The following TRDMT1 variants were observed in gnomAD, a reference collection of about 807,000 sequenced individuals.
The protein encoded by TRDMT1 is tRNA aspartic acid methyltransferase 1.
A neutral mutation model predicts 51.2 loss-of-function variants in TRDMT1; 49 were observed. That is an observed-to-expected ratio of 0.96 (90% CI 0.76 to 1.21). The LOEUF (loss-of-function observed/expected upper bound fraction) is 1.21. Ranked by LOEUF, TRDMT1 falls within the 50% of genes most tolerant of loss-of-function variation. The pLI, the probability that TRDMT1 is intolerant of heterozygous loss-of-function variation, is 0.00. For synonymous variants in TRDMT1, 187 were observed against 164.6 expected, an observed-to-expected ratio of 1.14 and a Z score of -1.04; for missense variants, 534 against 462.3, an observed-to-expected ratio of 1.16 and a Z score of -1.42.
chr10:17,153,454 AT>A, intron 10 of TRDMT1, 52 bp downstream of exon 10: 1 of 1,602,220 alleles, frequency 6.2e-7, no homozygotes, highest in Non-Finnish European at 8.5e-7. Flanking sequence ...GTCCCTAAAG[AT>A]TTTTGAGAGT....
rs1837549866 is a variant in TRDMT1, at chr10:17,140,037, C to CTTTTTTTCTTT, written c.*9002_*9003insAAAGAAAAAAA. 1.4e-4 allele frequency among the ~76,000 whole-genome samples: 3 copies of CTTTTTTTCTTT among 21,914 alleles called. No individual in the cohort carries two copies. The highest frequency in any genetic ancestry group is 5.6e-4 in the African/African-American group (3 of 5,348). The allele number at this position is 21,914 out of a possible 152,430, so 14.4% of individuals were successfully genotyped here. On this transcript the variant is annotated 3_prime_UTR_variant, in exon 11 of 11. Transcript: ENST00000377799. ...TATTCTTCCAGTAACATCTAGTGTG[C>CTTTTTTTCTTT]TTTTTTTTTTTTTTTTTTTTTTTTT...
intron 1 of TRDMT1, among the ~76,000 whole-genome samples, chr10:17,180,343 C>A (rs1024584841): frequency 9.9e-5 from 15 of 151,986 alleles, no homozygotes; most frequent in Non-Finnish European, 2.2e-4. Flanking sequence ...GAGTTTGAGA[C>A]CAGCCTGGCC....
At chr10:17,165,968 C>A (rs1841147841) in intron 3 of TRDMT1, among the ~76,000 whole-genome samples, 1 of 152,140 alleles carries the variant, frequency 6.6e-6, no homozygotes, top group Non-Finnish European at 1.5e-5. Context: ...TGTGGGGATT[C>A]CTCAGGGATC....
chr10:17,184,156 T>C (rs1420739404), intron 1 of TRDMT1, among the ~76,000 whole-genome samples: 1 of 152,142 alleles, frequency 6.6e-6, no homozygotes, highest in Admixed American at 6.5e-5. Flanking sequence ...TAGAAACACA[T>C]GTGATGCAGT....
intron 3 of TRDMT1, among the ~76,000 whole-genome samples, chr10:17,165,959 G>A (rs914561852): frequency 5.4e-5 from 8 of 148,394 alleles, no homozygotes; most frequent in African/African-American, 2.0e-4. Flanking sequence ...GGAAGTCAGT[G>A]TGGGGATTCC....
chr10:17,170,748 G>T (rs952285148), intron 2 of TRDMT1, among the ~76,000 whole-genome samples: 2 of 152,064 alleles, frequency 1.3e-5, no homozygotes, highest in African/African-American at 4.8e-5. Context: ...GAGTTATATA[G>T]ATTTCTTGTT....
intron 2 of TRDMT1, among the ~76,000 whole-genome samples, chr10:17,172,487 G>C (rs369269837): frequency 3.4e-4 from 52 of 151,808 alleles, no homozygotes; most frequent in African/African-American, 1.2e-3. Flanking sequence ...GTGAGACCCT[G>C]CCTCTCCAAA....
At position 17,140,711 on chromosome 10, in the gene TRDMT1, C is replaced by A. The variant is rs764594934; in HGVS notation, c.*8329G>T. Reference sequence around the variant, plus strand: ...TTTAAATGATAAAACTAATATTATGCCACATTGATGAAAACAAAAACAACA... The same window carrying A: ...TTTAAATGATAAAACTAATATTATGACACATTGATGAAAACAAAAACAACA... On this transcript the variant is annotated 3_prime_UTR_variant, in exon 11 of 11. Transcript: ENST00000377799. Among the ~76,000 whole-genome samples, 3 of 128,946 alleles carry A rather than the reference C, an allele frequency of 2.3e-5. No individual in the cohort carries two copies. Among genetic ancestry groups the A allele is most frequent in the Non-Finnish European group, 3.3e-5 (2 of 60,850 alleles). 84.6% of individuals were successfully genotyped at this position (128,946 alleles called of 152,430 possible). A position where few individuals can be genotyped will look rare whatever the true frequency, so the allele number is the denominator to read the frequency against.
intron 5 of TRDMT1, among the ~76,000 whole-genome samples, chr10:17,161,061 G>A (rs534815816): frequency 6.6e-6 from 1 of 152,252 alleles, no homozygotes; most frequent in East Asian, 1.9e-4. Context: ...TCGGGTGGAT[G>A]CTTTCTCTCC....
chr10:17,153,770 T>C, intron 9 of TRDMT1, 134 bp from the exon 10 acceptor site: 1 of 847,068 alleles, frequency 1.2e-6, no homozygotes, highest in South Asian at 2.0e-5. Context: ...CAGGGCAAAA[T>C]GGCTCTGTGC....
chr10:17,146,444 G>GGGCT lies in TRDMT1; in HGVS notation c.*2595_*2596insAGCC. ...GTCAGGCTCTGACCCCTCCTACAATGACTACCCACCTCTTCGAAATCATTT... is the reference window on the plus strand; with the variant it reads ...GTCAGGCTCTGACCCCTCCTACAATGGGCTACTACCCACCTCTTCGAAATCATTT... On this transcript the variant is annotated 3_prime_UTR_variant, in exon 11 of 11. Transcript: ENST00000377799. 1.0e-6 allele frequency: 1 copy of GGGCT among 985,344 alleles called. No individual in the cohort carries two copies. The highest frequency in any genetic ancestry group is 1.2e-6 in the Non-Finnish European group (1 of 829,922). 61.0% of individuals were successfully genotyped at this position (985,344 alleles called of 1,614,324 possible). A position where few individuals can be genotyped will look rare whatever the true frequency, so the allele number is the denominator to read the frequency against.
At chr10:17,150,317 T>C (rs557005881) in intron 10 of TRDMT1, 7 of 910,608 alleles carry the variant, frequency 7.7e-6, no homozygotes, top group South Asian at 5.0e-5. Context: ...CATTTTAAAA[T>C]TGGATTTCTC....
chr10:17,151,455 C>T, intron 10 of TRDMT1: 1 of 969,090 alleles, frequency 1.0e-6, no homozygotes, highest in South Asian at 4.8e-5. Flanking sequence ...TCCATCATTG[C>T]CAGTAGACAA....
intron 1 of TRDMT1, among the ~76,000 whole-genome samples, chr10:17,196,452 A>G (rs1038975516): frequency 3.9e-5 from 6 of 152,226 alleles, no homozygotes; most frequent in Admixed American, 3.9e-4. Context: ...TTATTTGCAT[A>G]TATTTGCAGG....
At position 17,150,059 on chromosome 10, in the gene TRDMT1, T is replaced by C. The variant is rs115601943; in HGVS notation, c.1076-919A>G. ...TTTAATGTTTGAGGAACCATTAGAC[T>C]GTTTTTCAAAGCAGCTGCACCATTT... On this transcript the variant is annotated intron_variant, in intron 10 of 10. Coordinates refer to ENST00000377799, the MANE Select transcript of TRDMT1 (RefSeq NM_004412.7). Among the ~76,000 whole-genome samples, 1,242 of 152,290 alleles carry C rather than the reference T, an allele frequency of 8.2e-3. 25 individuals are homozygous for C. Among genetic ancestry groups the C allele is most frequent in the African/African-American group, 0.028 (1,174 of 41,564 alleles).
At position 17,139,934 on chromosome 10, in the gene TRDMT1, T is replaced by C. The variant is rs1283258943; in HGVS notation, c.*9106A>G. ...TTACGGAAGTACTGCTAAATCAAGC[T>C]TTGTCAACAATTCCTAGACTATGTT... On this transcript the variant is annotated 3_prime_UTR_variant, in exon 11 of 11. Transcript: ENST00000377799. Among the ~76,000 whole-genome samples, 1 of 151,780 alleles carries C rather than the reference T, an allele frequency of 6.6e-6. No individual in the cohort carries two copies. The highest frequency in any genetic ancestry group is 2.4e-5 in the African/African-American group (1 of 41,250).
At chr10:17,155,762 C>A (rs1839410163) in intron 8 of TRDMT1, among the ~76,000 whole-genome samples, 1 of 151,998 alleles carries the variant, frequency 6.6e-6, no homozygotes, top group Admixed American at 6.6e-5. Context: ...AAAGTCAAAC[C>A]AGGAAAAAAA....
intron 10 of TRDMT1, 58 bp downstream of exon 10, chr10:17,153,449 T>A (rs1342953461): frequency 1.9e-6 from 3 of 1,598,732 alleles, no homozygotes; most frequent in Non-Finnish European, 2.6e-6. Context: ...CACAAGTCCC[T>A]AAAGATTTTT....
chr10:17,153,648 T>C lies in TRDMT1; in HGVS notation c.946-12A>G. ...TAGATATTCTCAACCTGTAAGAAAATACCCAAGATAACTAAAAAAGTAATG... is the reference window on the plus strand; with the variant it reads ...TAGATATTCTCAACCTGTAAGAAAACACCCAAGATAACTAAAAAAGTAATG... On this transcript the variant is annotated splice_polypyrimidine_tract_variant and intron_variant, in intron 9 of 10. Coordinates refer to ENST00000377799, the MANE Select transcript of TRDMT1 (RefSeq NM_004412.7). The C allele has an allele frequency of 6.4e-7, 1 of 1,553,960 alleles. No individual in the cohort carries two copies. The highest frequency in any genetic ancestry group is 8.7e-7 in the Non-Finnish European group (1 of 1,152,704).
Sources: allele counts gnomAD v4.1 joint callset (sites outside exome capture counted in the v4.1 genomes callset), GRCh38; gene constraint gnomAD v4.1.1; transcripts MANE v1.5; gene names NCBI Gene and HGNC (gene_info 2026-07-23, HGNC 2026-07-21).